The following RBFOX1 variants were observed in gnomAD, a reference collection of about 807,000 sequenced individuals.
RBFOX1 encodes the protein RNA binding protein fox-1 homolog 1.
A neutral mutation model predicts 57.7 loss-of-function variants in RBFOX1; 8 were observed. That is an observed-to-expected ratio of 0.14 (90% CI 0.08 to 0.25). The LOEUF (loss-of-function observed/expected upper bound fraction) is 0.25. RBFOX1 is among the 10% of genes least tolerant of loss of function. The pLI is 1.00. For synonymous variants in RBFOX1, 326 were observed against 222.4 expected (o/e 1.47, Z -4.15); for missense variants, 611 against 548.5 (o/e 1.11, Z -1.14).
chr16:6,485,238 C>A (rs961239195), intron 2 of RBFOX1, among the ~76,000 whole-genome samples: 2 of 152,160 alleles, frequency 1.3e-5, no homozygotes, highest in African/African-American at 2.4e-5. Context: ...GCTTCCCACA[C>A]GTGTGATGCC....
intron 14 of RBFOX1, among the ~76,000 whole-genome samples, chr16:7,683,702 G>A (rs758606946): frequency 6.6e-5 from 10 of 152,148 alleles, no homozygotes; most frequent in African/African-American, 2.4e-4. Flanking sequence ...AGGAAATAAA[G>A]CCTGTCTTTT....
In RBFOX1 at chr16:6,590,945, G is replaced by C. The variant is rs139688994; in HGVS notation, c.-63-63658G>C. Among the ~76,000 whole-genome samples, 7 of 152,220 alleles carry C rather than the reference G, an allele frequency of 4.6e-5. No individual in the cohort carries two copies. The East Asian group carries it at 1.2e-3, about 25-fold the overall frequency. On this transcript the variant is annotated intron_variant, in intron 2 of 15. Transcript: ENST00000550418. Reference sequence around the variant, plus strand: ...ATAGTGGGTAAGATGAGAGACTTTGGAGTCACACTGCGAGAGTCCCAGTGC... The same window carrying C: ...ATAGTGGGTAAGATGAGAGACTTTGCAGTCACACTGCGAGAGTCCCAGTGC...
intron 4 of RBFOX1, among the ~76,000 whole-genome samples, chr16:7,472,725 G>A (rs145576698): frequency 3.3e-5 from 5 of 152,216 alleles, no homozygotes; most frequent in African/African-American, 1.2e-4. Flanking sequence ...CATATGACAG[G>A]AAAACCAAGT....
At chr16:7,492,081 A>G (rs1245255756) in intron 4 of RBFOX1, among the ~76,000 whole-genome samples, 1 of 152,210 alleles carries the variant, frequency 6.6e-6, no homozygotes, top group Non-Finnish European at 1.5e-5. Context: ...CTCAATTTTC[A>G]GCATTAAATT....
chr16:7,166,138 C>T (rs574822326), intron 4 of RBFOX1, among the ~76,000 whole-genome samples: 9 of 152,132 alleles, frequency 5.9e-5, no homozygotes, highest in Admixed American at 2.0e-4. Context: ...TTCAGCCTTC[C>T]GAGTAGATGG....
At chr16:6,520,334 G>T (rs1258087077) in intron 2 of RBFOX1, among the ~76,000 whole-genome samples, 1 of 152,138 alleles carries the variant, frequency 6.6e-6, no homozygotes, top group Non-Finnish European at 1.5e-5. Context: ...CAAAATCCTT[G>T]TGAGGAATTC....
intron 1 of RBFOX1, among the ~76,000 whole-genome samples, chr16:6,096,098 A>G (rs2096242412): frequency 6.6e-6 from 1 of 152,216 alleles, no homozygotes. Context: ...TGGAAACAGA[A>G]CATGGCTTGT....
At chr16:7,462,875 T>C (rs148711146) in intron 4 of RBFOX1, among the ~76,000 whole-genome samples, 2 of 152,304 alleles carry the variant, frequency 1.3e-5, no homozygotes, top group African/African-American at 4.8e-5. Context: ...CTGACTCTAG[T>C]TGGAGAAAGT....
chr16:5,269,028 C>T (rs2062934421), intron 1 of RBFOX1, among the ~76,000 whole-genome samples: 1 of 152,156 alleles, frequency 6.6e-6, no homozygotes, highest in Non-Finnish European at 1.5e-5. Context: ...TACTCTCCTG[C>T]CTCAGCTTCC....
chr16:5,262,988 A>C (rs1385310336), intron 1 of RBFOX1, among the ~76,000 whole-genome samples: 1 of 152,040 alleles, frequency 6.6e-6, no homozygotes, highest in Non-Finnish European at 1.5e-5. Flanking sequence ...GCTGAGTCTG[A>C]AGTTATCTTT....
chr16:7,218,597 C>T (rs1010430490), intron 4 of RBFOX1, among the ~76,000 whole-genome samples: 7 of 145,906 alleles, frequency 4.8e-5, no homozygotes, highest in African/African-American at 1.3e-4. Context: ...AACCAGAAGA[C>T]GTGATTTGAC....
At chr16:6,211,996 C>T (rs574127548) in intron 1 of RBFOX1, among the ~76,000 whole-genome samples, 52 of 152,156 alleles carry the variant, frequency 3.4e-4, no homozygotes, top group Admixed American at 2.1e-3. Context: ...ATTACAGGCA[C>T]ACAGCGCCAT....
intron 12 of RBFOX1, among the ~76,000 whole-genome samples, chr16:7,658,370 C>A (rs889070397): frequency 2.6e-5 from 4 of 152,102 alleles, no homozygotes; most frequent in African/African-American, 9.7e-5. Flanking sequence ...ATTGAAAATA[C>A]AATATTGAGT....
At chr16:5,570,839 C>CAA (rs35367073) in intron 2 of RBFOX1, among the ~76,000 whole-genome samples, 61,625 of 140,294 alleles carry the variant, frequency 0.44, 13,509 homozygotes, top group East Asian at 0.6. Flanking sequence ...AACTCTGTCT[C>CAA]AAAAAAAAAA....
chr16:6,483,812 G>C, intron 2 of RBFOX1: 1 of 1,360,720 alleles, frequency 7.3e-7, no homozygotes, highest in Non-Finnish European at 9.5e-7. Flanking sequence ...GCGCCTCCGG[G>C]GCTGCTGATT....
rs576231981 is a variant in RBFOX1, at chr16:6,785,697, A to C, written c.-16+131047A>C. Among the ~76,000 whole-genome samples the C allele has an allele frequency of 2.6e-5, 4 of 152,326 alleles. No homozygotes were observed. The East Asian group carries it at 7.7e-4, about 29-fold the overall frequency. ...ACCATGTTCCATGTGAGCATGTTAC[A>C]GCCACTGTCCAGTTTAATATCATAT... On this transcript the variant is annotated intron_variant, in intron 3 of 15. Coordinates refer to ENST00000550418, the MANE Select transcript of RBFOX1 (RefSeq NM_018723.4).
chr16:7,703,125 C>T (rs1039170735), intron 14 of RBFOX1, among the ~76,000 whole-genome samples: 1 of 152,150 alleles, frequency 6.6e-6, no homozygotes, highest in African/African-American at 2.4e-5. Flanking sequence ...CAGTTGGTGC[C>T]CTGTTGCTAT....
At chr16:6,877,102 G>C (rs1392395593) in intron 3 of RBFOX1, among the ~76,000 whole-genome samples, 1 of 152,128 alleles carries the variant, frequency 6.6e-6, no homozygotes, top group African/African-American at 2.4e-5. Flanking sequence ...ACAAGCATAG[G>C]CAGTCCCGCT....
intron 4 of RBFOX1, among the ~76,000 whole-genome samples, chr16:7,389,337 G>C (rs570927473): frequency 6.6e-6 from 1 of 152,206 alleles, no homozygotes; most frequent in South Asian, 2.1e-4. Flanking sequence ...TGTAGCCCAG[G>C]CTGGTCTTAA....
Sources: allele counts gnomAD v4.1 joint callset (sites outside exome capture counted in the v4.1 genomes callset), GRCh38; gene constraint gnomAD v4.1.1; transcripts MANE v1.5; gene names NCBI Gene and HGNC (gene_info 2026-07-23, HGNC 2026-07-21).